C14orf39: variants seen among roughly 807,000 people sequenced by gnomAD.
C14orf39 encodes chromosome 14 open reading frame 39.
C14orf39 carries 66 observed loss-of-function variants against 85.6 expected under a neutral mutation model. The observed-to-expected ratio is 0.77, with a 90% CI of 0.63 to 0.95. The LOEUF (loss-of-function observed/expected upper bound fraction) is 0.95, where lower values mean the gene tolerates loss of function less well. C14orf39 is among the 40% of genes least tolerant of loss of function. The probability of loss-of-function intolerance (pLI) is 0.00; values close to 1 mark genes in which losing one functional copy is unlikely to be tolerated. For synonymous variants in C14orf39, 242 were observed against 214.0 expected (o/e 1.13, Z -1.14); for missense variants, 735 against 663.9 (o/e 1.11, Z -1.18).
At chr14:60,453,083 G>C (rs1433153947) in intron 16 of C14orf39, among the ~76,000 whole-genome samples, 1 of 152,050 alleles carries the variant, frequency 6.6e-6, no homozygotes, top group Non-Finnish European at 1.5e-5. Context: ...GGTGATTGAT[G>C]ATGTTATTCA....
chr14:60,441,783 A>C (rs1467085111), intron 17 of C14orf39, among the ~76,000 whole-genome samples: 1 of 152,202 alleles, frequency 6.6e-6, no homozygotes, highest in Non-Finnish European at 1.5e-5. Context: ...AAAGATGGAA[A>C]TAACCAATTA....
chr14:60,502,193 T>G lies in C14orf39; in HGVS notation c.-143-2763A>C, dbSNP rs1489000616. 2.7e-4 allele frequency among the ~76,000 whole-genome samples: 41 copies of G among 152,184 alleles called. 1 individual carries two copies. The highest frequency in any genetic ancestry group is 2.7e-3 in the Admixed American group (41 of 15,264). On this transcript the variant is annotated intron_variant, in intron 1 of 5. Coordinates refer to the C14orf39 transcript ENST00000556799. ...CATCCTCCCATCTACCTTCAGAAAT[T>G]GAGTATTGTATCTTTATCTATCTCA...
intron 5 of C14orf39, among the ~76,000 whole-genome samples, chr14:60,475,363 T>C (rs1382517632): frequency 1.3e-5 from 2 of 152,078 alleles, no homozygotes; most frequent in Non-Finnish European, 2.9e-5. Context: ...CAAAAAACCG[T>C]TCAAATAACC....
Position 60,468,524 on chromosome 14 carries a change from G to T in C14orf39, c.688C>A (p.His230Asn). The T allele has an allele frequency of 6.4e-7, 1 of 1,573,378 alleles. No homozygotes were observed. Among genetic ancestry groups the T allele is most frequent in the South Asian group, 1.2e-5 (1 of 83,968 alleles). ...TCTGAAAGAGCCTTAGTTTCATTAT[G>T]CCTAGATATCTGCTAAAAAGACAAT... Reference protein sequence around the residue: ...INYLNQQISRHNETKALSETL... With the variant: ...INYLNQQISRNNETKALSETL... Residue 230 changes from histidine (H) to asparagine (N), a missense_variant, in exon 9 of 18, where the codon CAT becomes AAT. His to Asn is a moderately conservative substitution (Grantham distance 68). Transcript: ENST00000321731.
At chr14:60,476,475 A>G (rs1241726418) in intron 5 of C14orf39, among the ~76,000 whole-genome samples, 1 of 152,208 alleles carries the variant, frequency 6.6e-6, no homozygotes, top group Non-Finnish European at 1.5e-5. Context: ...TATCCATGAA[A>G]CCAACAAATG....
chr14:60,495,133 C>T (rs1039600873), intron 2 of C14orf39: 3 of 224,868 alleles, frequency 1.3e-5, no homozygotes, highest in Middle Eastern at 4.7e-4. Context: ...ATAGATCTTA[C>T]ATTGGAACAG....
chr14:60,477,432 A>G (rs1345170892), intron 5 of C14orf39, among the ~76,000 whole-genome samples: 2 of 152,186 alleles, frequency 1.3e-5, no homozygotes, highest in African/African-American at 2.4e-5. Flanking sequence ...TCAATGTCTT[A>G]TATTAGGTGA....
At chr14:60,492,141 T>TA (rs869211272) in intron 2 of C14orf39, among the ~76,000 whole-genome samples, 1 of 111,132 alleles carries the variant, frequency 9.0e-6, no homozygotes, top group Admixed American at 9.3e-5. Context: ...TTAAAAAAAA[T>TA]TTTTTTATCC....
chr14:60,483,365 G>A (rs575992220), intron 4 of C14orf39, among the ~76,000 whole-genome samples: 5 of 152,202 alleles, frequency 3.3e-5, no homozygotes, highest in Admixed American at 6.5e-5. Flanking sequence ...ACTTCAGGCC[G>A]TATTCCCTCA....
At chr14:60,453,198 TTTAA>T (rs1891116355) in intron 16 of C14orf39, among the ~76,000 whole-genome samples, 2 of 152,138 alleles carry the variant, frequency 1.3e-5, no homozygotes, top group African/African-American at 2.4e-5. Context: ...TATTTCTCTC[TTTAA>T]TTCTGTTACA....
chr14:60,437,020 TCTC>T lies in C14orf39; in HGVS notation c.1586_1588del (p.Gly529del). The T allele has an allele frequency of 6.2e-7, 1 of 1,609,098 alleles. No homozygotes were observed. Among genetic ancestry groups the T allele is most frequent in the Non-Finnish European group, 8.5e-7 (1 of 1,178,128 alleles). ...TGGAAAAGAAAATGTAAAGCCATCT[TCTC>T]CTTCTGGCTTCTCAAGTAAGTTTCC... On this transcript the variant is annotated inframe_deletion, in exon 18 of 18. Coordinates refer to ENST00000321731, the MANE Select transcript of C14orf39 (RefSeq NM_174978.3).
At chr14:60,482,911 G>GTGTGTGTGTGT (rs1566681576) in intron 4 of C14orf39, among the ~76,000 whole-genome samples, 3 of 58,832 alleles carry the variant, frequency 5.1e-5, no homozygotes, top group Non-Finnish European at 1.8e-4. Context: ...TGTGTGTGTG[G>GTGTGTGTGTGT]TGTGCATAAT....
chr14:60,508,316 A>G (rs1771897364), intron 1 of C14orf39, among the ~76,000 whole-genome samples: 1 of 152,112 alleles, frequency 6.6e-6, no homozygotes, highest in Non-Finnish European at 1.5e-5. Context: ...CTGACCTACC[A>G]ATGACTTCTC....
chr14:60,476,620 A>G (rs1317625095), intron 5 of C14orf39, among the ~76,000 whole-genome samples: 2 of 152,218 alleles, frequency 1.3e-5, no homozygotes, highest in African/African-American at 4.8e-5. Flanking sequence ...TCTATAACAA[A>G]CACTGTTAGA....
At chr14:60,490,204 C>T (rs1892965785), upstream of C14orf39, among the ~76,000 whole-genome samples, 1 of 152,152 alleles carries the variant, frequency 6.6e-6, no homozygotes, top group Non-Finnish European at 1.5e-5. Context: ...ATACAGGTGA[C>T]TCACAATGTG....
At chr14:60,490,163 C>G (rs1047554628), upstream of C14orf39, among the ~76,000 whole-genome samples, 1 of 152,136 alleles carries the variant, frequency 6.6e-6, no homozygotes, top group Admixed American at 6.6e-5. Flanking sequence ...TTCATCTGTA[C>G]TCCATGTGCA....
At chr14:60,496,419 C>A (rs1409657243) in intron 2 of C14orf39, 1 of 317,304 alleles carries the variant, frequency 3.2e-6, no homozygotes, top group East Asian at 7.4e-5. Flanking sequence ...AGGGCAGTGT[C>A]TGTCTCTAAG....
intron 2 of C14orf39, chr14:60,496,044 A>G: frequency 1.3e-6 from 1 of 753,544 alleles, no homozygotes; most frequent in Non-Finnish European, 2.1e-6. Context: ...GGCATGAGGT[A>G]GCTTGGCTTG....
chr14:60,455,297 T>C (rs546354607), intron 15 of C14orf39, 152 bp from the exon 16 acceptor site: 11 of 530,448 alleles, frequency 2.1e-5, no homozygotes, highest in African/African-American at 1.4e-4. Context: ...CGAGAAAGGA[T>C]TGTATGAGGT....
Sources: allele counts gnomAD v4.1 joint callset (sites outside exome capture counted in the v4.1 genomes callset), GRCh38; gene constraint gnomAD v4.1.1; transcripts MANE v1.5; gene names NCBI Gene and HGNC (gene_info 2026-07-23, HGNC 2026-07-21).